The following ARL15 variants were observed in gnomAD, a reference collection of about 807,000 sequenced individuals.
ARL15 encodes the protein ARF like GTPase 15, also known as ADP-ribosylation factor-like protein 15.
Under a neutral mutation model 25.2 loss-of-function variants are expected in ARL15, and 19 were observed. The ratio of observed to expected loss-of-function variants is 0.75; its 90% CI spans 0.53 to 1.10. The LOEUF (loss-of-function observed/expected upper bound fraction) is 1.10. Ranked by LOEUF, ARL15 falls within the 50% of genes least tolerant of loss-of-function variation. The probability of loss-of-function intolerance (pLI) is 0.00; values close to 1 mark genes in which losing one functional copy is unlikely to be tolerated. For missense variants in ARL15, 220 were observed against 246.0 expected, an observed-to-expected ratio of 0.89 and a Z score of 0.71; for synonymous variants, 94 against 86.8, an observed-to-expected ratio of 1.08 and a Z score of -0.46.
chr5:54,147,039 G>C (rs1753933115), intron 3 of ARL15, among the ~76,000 whole-genome samples: 1 of 152,092 alleles, frequency 6.6e-6, no homozygotes, highest in South Asian at 2.1e-4. Flanking sequence ...CCACCACCCT[G>C]GGATCCTATT....
At chr5:53,910,390 A>G (rs1745409940) in intron 4 of ARL15, among the ~76,000 whole-genome samples, 1 of 152,108 alleles carries the variant, frequency 6.6e-6, no homozygotes. Context: ...CTAGGGTCTC[A>G]ACATTACTTA....
At chr5:53,918,014 C>G (rs1029238203) in intron 4 of ARL15, among the ~76,000 whole-genome samples, 1 of 152,016 alleles carries the variant, frequency 6.6e-6, no homozygotes, top group Non-Finnish European at 1.5e-5. Flanking sequence ...AGAAATCATA[C>G]GACATATGCA....
intron 4 of ARL15, among the ~76,000 whole-genome samples, chr5:54,098,987 C>T (rs1752362201): frequency 6.6e-6 from 1 of 151,974 alleles, no homozygotes; most frequent in South Asian, 2.1e-4. Context: ...TAAAATAATC[C>T]GAGTAACCTC....
At chr5:54,146,004 C>T (rs183479649) in intron 3 of ARL15, among the ~76,000 whole-genome samples, 31 of 152,242 alleles carry the variant, frequency 2.0e-4, no homozygotes, top group African/African-American at 7.2e-4. Flanking sequence ...CTCCTTTCTC[C>T]TTCCTATATG....
chr5:53,886,556 A>G lies in ARL15; in HGVS notation c.*5T>C, dbSNP rs1744531038. On this transcript the variant is annotated 3_prime_UTR_variant, in exon 5 of 5. Transcript: ENST00000504924. Reference sequence around the variant, plus strand: ...CTTTTGGGAGCCTGTTTTCTTTGCCAGATTTCACATTCTTACAGCTTCATG... The same window carrying G: ...CTTTTGGGAGCCTGTTTTCTTTGCCGGATTTCACATTCTTACAGCTTCATG... 6.4e-7 allele frequency: 1 copy of G among 1,553,330 alleles called. No homozygotes were observed. The highest frequency in any genetic ancestry group is 1.2e-5 in the South Asian group (1 of 83,152).
chr5:53,981,080 A>G (rs1259241477), intron 4 of ARL15, among the ~76,000 whole-genome samples: 1 of 152,158 alleles, frequency 6.6e-6, no homozygotes, highest in Non-Finnish European at 1.5e-5. Context: ...CTAGATTCAA[A>G]CAAACTTCAG....
intron 4 of ARL15, among the ~76,000 whole-genome samples, chr5:54,033,994 TA>T: frequency 6.6e-6 from 1 of 152,120 alleles, no homozygotes; most frequent in Middle Eastern, 3.4e-3. Flanking sequence ...TTTATATTTT[TA>T]GTAAAGACGG....
At chr5:54,073,897 C>G (rs1274222217) in intron 4 of ARL15, among the ~76,000 whole-genome samples, 3 of 152,186 alleles carry the variant, frequency 2.0e-5, no homozygotes, top group Non-Finnish European at 4.4e-5. Context: ...CCTAGTTTTT[C>G]TAGCATTCCA....
At chr5:54,189,252 T>C (rs1755327750) in intron 1 of ARL15, among the ~76,000 whole-genome samples, 1 of 152,154 alleles carries the variant, frequency 6.6e-6, no homozygotes, top group Non-Finnish European at 1.5e-5. Flanking sequence ...CCAAATGGAT[T>C]CAATGCAATC....
intron 4 of ARL15, among the ~76,000 whole-genome samples, chr5:53,930,166 C>T (rs1040968822): frequency 2.6e-5 from 4 of 151,612 alleles, no homozygotes; most frequent in African/African-American, 7.3e-5. Flanking sequence ...AATCACATAC[C>T]CACACAAGTT....
intron 1 of ARL15, among the ~76,000 whole-genome samples, chr5:54,235,918 A>G (rs2112564749): frequency 6.6e-6 from 1 of 152,360 alleles, no homozygotes; most frequent in South Asian, 2.1e-4. Flanking sequence ...ATTTTTAAGG[A>G]AATTACAGTT....
chr5:54,304,875 G>C (rs572897826), intron 1 of ARL15, among the ~76,000 whole-genome samples: 1 of 152,038 alleles, frequency 6.6e-6, no homozygotes, highest in Non-Finnish European at 1.5e-5. Context: ...AAGAAGTTCA[G>C]TTCACAGATA....
chr5:54,208,671 A>G (rs1755944646), intron 1 of ARL15, among the ~76,000 whole-genome samples: 1 of 152,214 alleles, frequency 6.6e-6, no homozygotes, highest in Non-Finnish European at 1.5e-5. Flanking sequence ...ACCATCAGTC[A>G]TGAGTCCAAT....
At chr5:54,291,987 T>C (rs1758348004) in intron 1 of ARL15, among the ~76,000 whole-genome samples, 1 of 152,182 alleles carries the variant, frequency 6.6e-6, no homozygotes, top group African/African-American at 2.4e-5. Context: ...TACCACTGTC[T>C]CATACTTGCT....
intron 3 of ARL15, among the ~76,000 whole-genome samples, chr5:54,139,191 G>A (rs1753696696): frequency 6.6e-6 from 1 of 152,120 alleles, no homozygotes; most frequent in Admixed American, 6.5e-5. Flanking sequence ...AGAAGTCATT[G>A]TATCAGGAAG....
intron 1 of ARL15, among the ~76,000 whole-genome samples, chr5:54,218,934 T>C (rs1756294876): frequency 1.3e-5 from 2 of 151,768 alleles, no homozygotes; most frequent in South Asian, 2.1e-4. Flanking sequence ...AAAATATATA[T>C]ATAATTTTGG....
chr5:53,895,623 A>G (rs1003961329), intron 4 of ARL15, among the ~76,000 whole-genome samples: 1 of 152,176 alleles, frequency 6.6e-6, no homozygotes, highest in African/African-American at 2.4e-5. Context: ...TGTTAAATTT[A>G]CACCACCTGA....
At chr5:54,057,965 T>C (rs1750929375) in intron 4 of ARL15, among the ~76,000 whole-genome samples, 1 of 151,916 alleles carries the variant, frequency 6.6e-6, no homozygotes, top group Non-Finnish European at 1.5e-5. Flanking sequence ...ATTTTATCTC[T>C]GTCTCCACTA....
intron 1 of ARL15, among the ~76,000 whole-genome samples, chr5:54,221,619 A>G (rs1756374836): frequency 6.6e-6 from 1 of 151,962 alleles, no homozygotes; most frequent in African/African-American, 2.4e-5. Context: ...TTTTCAAACA[A>G]GCGCTAATAA....
Sources: allele counts gnomAD v4.1 joint callset (sites outside exome capture counted in the v4.1 genomes callset), GRCh38; gene constraint gnomAD v4.1.1; transcripts MANE v1.5; gene names NCBI Gene and HGNC (gene_info 2026-07-23, HGNC 2026-07-21).